Variants in PLCG2 observed in about 807,000 individuals in gnomAD.
PLCG2 encodes the protein phospholipase C gamma 2.
Under a neutral mutation model 175.6 loss-of-function variants are expected in PLCG2, and 69 were observed. The observed-to-expected ratio is 0.39, with a 90% CI of 0.32 to 0.48. The LOEUF (loss-of-function observed/expected upper bound fraction) is 0.48. Among genes scored for constraint, PLCG2 ranks in the 20% least tolerant of loss-of-function variants. The probability of loss-of-function intolerance (pLI) is 0.91; values close to 1 mark genes in which losing one functional copy is unlikely to be tolerated. For missense variants in PLCG2, 1,798 were observed against 1,650.9 expected (o/e 1.09, Z -1.54); for synonymous variants, 827 against 624.0 (o/e 1.33, Z -4.85).
intron 2 of PLCG2, among the ~76,000 whole-genome samples, chr16:81,810,614 A>G (rs1597331611): frequency 6.7e-6 from 1 of 148,562 alleles, no homozygotes; most frequent in African/African-American, 2.5e-5. Flanking sequence ...TCTGCCGTCC[A>G]CTTAGTGCCT....
At chr16:81,816,848 C>A (rs1465111214) in intron 2 of PLCG2, among the ~76,000 whole-genome samples, 2 of 151,918 alleles carry the variant, frequency 1.3e-5, no homozygotes, top group Admixed American at 1.3e-4. Flanking sequence ...GAAGCAAGAA[C>A]TGAAAGTGCG....
chr16:81,773,978 G>A (rs377695104), intron 2 of PLCG2, among the ~76,000 whole-genome samples: 2 of 151,772 alleles, frequency 1.3e-5, no homozygotes, highest in Non-Finnish European at 2.9e-5. Context: ...CAGGCACTCC[G>A]CAAATGTTTG....
At chr16:81,953,536 A>G (rs909332610) in intron 31 of PLCG2, among the ~76,000 whole-genome samples, 1 of 152,238 alleles carries the variant, frequency 6.6e-6, no homozygotes, top group Admixed American at 6.5e-5. Flanking sequence ...AGAGAGTGCC[A>G]TAAAGATTTT....
intron 31 of PLCG2, among the ~76,000 whole-genome samples, chr16:81,952,635 G>C (rs901703118): frequency 1.3e-5 from 2 of 152,178 alleles, no homozygotes; most frequent in African/African-American, 4.8e-5. Flanking sequence ...GATAATATCA[G>C]ATTCTAGCAC....
chr16:81,818,658 C>G (rs1309202375), intron 2 of PLCG2, among the ~76,000 whole-genome samples: 1 of 152,084 alleles, frequency 6.6e-6, no homozygotes, highest in Non-Finnish European at 1.5e-5. Flanking sequence ...TACCTTTTCT[C>G]TGCAGCAGCA....
rs117260449 is a variant in PLCG2 at position 81,819,363 on chromosome 16, G to C, written c.193+33181G>C. 5.7e-3 allele frequency among the ~76,000 whole-genome samples: 868 copies of C among 152,208 alleles called. 29 individuals are homozygous for C. Among genetic ancestry groups the C allele is most frequent in the Admixed American group, 0.046 (705 of 15,296 alleles). The stretch of plus-strand genomic sequence containing the variant: ...GAGCTCATTTCTGAGGCTTCATCTG[G>C]TACCAACCCTGTGAGGCGAGGGAGC... On this transcript the variant is annotated intron_variant, in intron 2 of 32. Coordinates refer to ENST00000564138, the MANE Select transcript of PLCG2 (RefSeq NM_002661.5).
chr16:81,789,515 C>G (rs1026354434), intron 2 of PLCG2, among the ~76,000 whole-genome samples: 2 of 152,204 alleles, frequency 1.3e-5, no homozygotes, highest in African/African-American at 4.8e-5. Flanking sequence ...TCTCCAACTC[C>G]TGGCCTCAAG....
rs772048001 is a variant in PLCG2, at chr16:81,960,972, T to A, written c.*2974T>A. The A allele has an allele frequency of 1.1e-4, 26 of 229,572 alleles. No homozygotes were observed. Among genetic ancestry groups the A allele is most frequent in the Non-Finnish European group, 2.0e-4 (23 of 115,906 alleles). 14.2% of individuals were successfully genotyped at this position (229,572 alleles called of 1,614,324 possible). Reference sequence around the variant, plus strand: ...AAGAAAATATGGCTGTCTCCACCTCTAGTCTTACTGTAGAGCATGTCCCAA... The same window carrying A: ...AAGAAAATATGGCTGTCTCCACCTCAAGTCTTACTGTAGAGCATGTCCCAA... On this transcript the variant is annotated 3_prime_UTR_variant, in exon 33 of 33. Transcript: ENST00000564138.
chr16:81,826,621 A>C (rs1196717594), intron 2 of PLCG2, among the ~76,000 whole-genome samples: 1 of 152,174 alleles, frequency 6.6e-6, no homozygotes, highest in Non-Finnish European at 1.5e-5. Context: ...CAGTGCTTCA[A>C]ATGGTGATAG....
chr16:81,805,784 T>TTTTTTTTTTTTTTTTTTTTG (rs1911992204), intron 2 of PLCG2, among the ~76,000 whole-genome samples: 1 of 8,460 alleles, frequency 1.2e-4, no homozygotes, highest in Non-Finnish European at 1.2e-3. Context: ...TTTTTTTTTG[T>TTTTTTTTTTTTTTTTTTTTG]TTTTTTTTTT....
rs372688404 is a variant in PLCG2 at position 81,806,204 on chromosome 16, A to G, written c.193+20022A>G. On this transcript the variant is annotated intron_variant, in intron 2 of 32. Coordinates refer to ENST00000564138, the MANE Select transcript of PLCG2 (RefSeq NM_002661.5). The stretch of plus-strand genomic sequence containing the variant: ...CAAAAGCCACATGTGGCTAGTGGCT[A>G]CCATATTGGATAGCACAGATCTAGA... 5.5e-3 allele frequency among the ~76,000 whole-genome samples: 831 copies of G among 151,976 alleles called. 7 individuals are homozygous for G. Among genetic ancestry groups the G allele is most frequent in the African/African-American group, 0.019 (791 of 41,446 alleles).
At chr16:81,897,639 G>C (rs1908956575) in intron 13 of PLCG2, among the ~76,000 whole-genome samples, 1 of 146,900 alleles carries the variant, frequency 6.8e-6, no homozygotes, top group Non-Finnish European at 1.5e-5. Flanking sequence ...TCCACCTCCT[G>C]AGTTCGAGCA....
intron 28 of PLCG2, 77 bp downstream of exon 28, chr16:81,937,980 A>T: frequency 7.2e-7 from 1 of 1,390,858 alleles, no homozygotes; most frequent in Non-Finnish European, 1.0e-6. Context: ...TCTTGAGAGC[A>T]GGGAACCCAT....
chr16:81,873,761 C>A (rs1907633180), intron 7 of PLCG2, among the ~76,000 whole-genome samples: 1 of 152,018 alleles, frequency 6.6e-6, no homozygotes, highest in African/African-American at 2.4e-5. Flanking sequence ...GAGACCTAGT[C>A]TGTATTATTA....
intron 25 of PLCG2, among the ~76,000 whole-genome samples, chr16:81,933,137 G>A (rs914203419): frequency 3.3e-5 from 5 of 152,240 alleles, no homozygotes; most frequent in South Asian, 2.1e-4. Context: ...CAAGGTTGCT[G>A]TTGGCGGCCT....
intron 1 of PLCG2, chr16:81,740,537 T>A (rs4544235): frequency 6.6e-6 from 1 of 151,450 alleles, no homozygotes; most frequent in Non-Finnish European, 1.5e-5. Context: ...AGTCGGGAGT[T>A]TGAGACCAGC....
chr16:81,898,920 C>T (rs992309591), intron 13 of PLCG2, among the ~76,000 whole-genome samples: 1 of 152,126 alleles, frequency 6.6e-6, no homozygotes. Context: ...CACAGTGGCT[C>T]ACGCCTGTAA....
At chr16:81,901,620 A>G (rs2143633413) in intron 14 of PLCG2, among the ~76,000 whole-genome samples, 1 of 152,392 alleles carries the variant, frequency 6.6e-6, no homozygotes, top group East Asian at 1.9e-4. Context: ...TTTAACCTGT[A>G]CATAAAACTT....
chr16:81,891,246 T>C (rs1026637420), intron 10 of PLCG2, among the ~76,000 whole-genome samples: 1 of 152,144 alleles, frequency 6.6e-6, no homozygotes, highest in African/African-American at 2.4e-5. Context: ...AGGATAAACA[T>C]TACAAAGGAA....
Sources: allele counts gnomAD v4.1 joint callset (sites outside exome capture counted in the v4.1 genomes callset), GRCh38; gene constraint gnomAD v4.1.1; transcripts MANE v1.5; gene names NCBI Gene and HGNC (gene_info 2026-07-23, HGNC 2026-07-21).